Variants in SPG11 observed in about 807,000 individuals in gnomAD.
SPG11 encodes spatacsin.
SPG11 carries 222 observed loss-of-function variants against 274.0 expected under a neutral mutation model. That is an observed-to-expected ratio of 0.81 (90% CI 0.73 to 0.91). The LOEUF (loss-of-function observed/expected upper bound fraction) is 0.91, where lower values mean the gene tolerates loss of function less well. Ranked by LOEUF, SPG11 falls within the 40% of genes least tolerant of loss-of-function variation. The pLI, the probability that SPG11 is intolerant of heterozygous loss-of-function variation, is 0.00. For missense variants in SPG11, 3,114 were observed against 2,872.7 expected, an observed-to-expected ratio of 1.08 and a Z score of -1.92; for synonymous variants, 1,144 against 1,039.7, an observed-to-expected ratio of 1.10 and a Z score of -1.93.
At chr15:44,607,107 C>T (rs550872684) in intron 19 of SPG11, among the ~76,000 whole-genome samples, 3 of 152,228 alleles carry the variant, frequency 2.0e-5, no homozygotes, top group African/African-American at 7.2e-5. Context: ...ACAAAAAAAC[C>T]CCTACTGAAC....
At chr15:44,607,367 C>T (rs1293273310) in intron 19 of SPG11, among the ~76,000 whole-genome samples, 2 of 152,150 alleles carry the variant, frequency 1.3e-5, no homozygotes, top group African/African-American at 4.8e-5. Context: ...CTGCAACTTT[C>T]GCCTCCCAGG....
intron 8 of SPG11, among the ~76,000 whole-genome samples, chr15:44,630,212 G>A (rs2084018943): frequency 6.6e-6 from 1 of 152,210 alleles, no homozygotes; most frequent in African/African-American, 2.4e-5. Flanking sequence ...AGTGATTCCT[G>A]TTTGTCTCAG....
At chr15:44,597,823 T>C (rs2083083292) in intron 23 of SPG11, among the ~76,000 whole-genome samples, 1 of 152,192 alleles carries the variant, frequency 6.6e-6, no homozygotes. Flanking sequence ...CAGCTTCCAT[T>C]ATCAACTGAC....
chr15:44,572,571 G>A, intron 33 of SPG11, 112 bp downstream of exon 33: 3 of 1,079,288 alleles, frequency 2.8e-6, no homozygotes, highest in Non-Finnish European at 4.2e-6. Context: ...CCTGCTGGAG[G>A]GCTAGGCATC....
chr15:44,628,877 T>C, intron 9 of SPG11, 33 bp from the exon 10 acceptor site: 1 of 1,585,048 alleles, frequency 6.3e-7, no homozygotes, highest in South Asian at 1.1e-5. Flanking sequence ...AATTTGTGTG[T>C]GTGTGTGTAA....
At chr15:44,634,674 C>T (rs1306936886) in intron 7 of SPG11, among the ~76,000 whole-genome samples, 3 of 151,950 alleles carry the variant, frequency 2.0e-5, no homozygotes, top group African/African-American at 7.2e-5. Context: ...GCAATCTCCG[C>T]CTCCCAGGTT....
At position 44,570,637 on chromosome 15, in the gene SPG11, G is replaced by T; in HGVS notation, c.6365C>A (p.Ala2122Asp). The T allele has an allele frequency of 1.9e-6, 3 of 1,614,028 alleles. No homozygotes were observed. Among genetic ancestry groups the T allele is most frequent in the Non-Finnish European group, 2.5e-6 (3 of 1,179,990 alleles). Reference protein sequence around the residue: ...LSCTTELLILAHHCFTLTCHM... With the variant: ...LSCTTELLILDHHCFTLTCHM... ...GCACGTCAGGGTGAAGCAATGATGG[G>T]CCAGGATCAGGAGCTCTGTGGCTGG... Residue 2122 changes from alanine to aspartate, a missense_variant, in exon 34 of 40, where the codon GCC becomes GAC. By Grantham distance (126) the Ala-to-Asp change is moderately radical (BLOSUM62 -2). Transcript: ENST00000261866.
chr15:44,563,208 T>A lies in SPG11; in HGVS notation c.7245A>T (p.Ala2415=), dbSNP rs774478465. The part of the protein sequence containing the change: ...CEDVYLYYKL[A]YEHKFYEIVN... ...CAATTTCATAAAACTTGTGTTCGTA[T>A]GCCAACTTGTAATACAGGTAAACAT... Residue 2415 remains alanine, a synonymous_variant, in exon 40 of 40, where the codon GCA becomes GCT. Coordinates refer to ENST00000261866, the MANE Select transcript of SPG11 (RefSeq NM_025137.4). 2.1e-5 allele frequency: 34 copies of A among 1,614,084 alleles called. No individual in the cohort carries two copies. The East Asian group carries it at 7.6e-4, about 36-fold the overall frequency.
At chr15:44,601,885 C>T (rs2083200738) in intron 20 of SPG11, among the ~76,000 whole-genome samples, 1 of 152,118 alleles carries the variant, frequency 6.6e-6, no homozygotes, top group Non-Finnish European at 1.5e-5. Flanking sequence ...CCCAGCCCAC[C>T]CAGCCTCTTT....
chr15:44,634,835 C>A (rs914937306), intron 7 of SPG11, among the ~76,000 whole-genome samples: 2 of 152,124 alleles, frequency 1.3e-5, no homozygotes, highest in African/African-American at 2.4e-5. Context: ...CCGCCTAGGC[C>A]TCCCAAAGTG....
At chr15:44,588,990 G>C (rs2082836464) in intron 28 of SPG11, among the ~76,000 whole-genome samples, 1 of 152,210 alleles carries the variant, frequency 6.6e-6, no homozygotes, top group Non-Finnish European at 1.5e-5. Context: ...GGGTAATGTA[G>C]AAGCCAGCCA....
Position 44,615,569 on chromosome 15 carries a change from A to G in SPG11, c.2835-3T>C. 1 of 1,613,796 alleles carries G rather than the reference A, an allele frequency of 6.2e-7. No homozygotes were observed. Among genetic ancestry groups the G allele is most frequent in the Non-Finnish European group, 8.5e-7 (1 of 1,179,886 alleles). On this transcript the variant is annotated splice_polypyrimidine_tract_variant and splice_region_variant and intron_variant, in intron 15 of 39. Transcript: ENST00000261866. ...CAGATGCCAAAAAAACCCCATTCCTATGGACAGATTTATAGGATGTCAAGT... is the reference window on the plus strand; with the variant it reads ...CAGATGCCAAAAAAACCCCATTCCTGTGGACAGATTTATAGGATGTCAAGT...
intron 30 of SPG11, among the ~76,000 whole-genome samples, chr15:44,580,791 AAAAC>A (rs898615706): frequency 6.6e-5 from 10 of 152,354 alleles, no homozygotes; most frequent in Middle Eastern, 3.4e-3. Context: ...CTCCGTCTCA[AAAAC>A]AAACAAACAA....
At chr15:44,630,015 G>C (rs573178230) in intron 8 of SPG11, among the ~76,000 whole-genome samples, 1 of 151,996 alleles carries the variant, frequency 6.6e-6, no homozygotes, top group East Asian at 1.9e-4. Context: ...AGGTTGCAGT[G>C]AGCCAAGATT....
At chr15:44,583,640 A>T (rs1380504582) in intron 30 of SPG11, among the ~76,000 whole-genome samples, 174 bp downstream of exon 30, 1 of 152,230 alleles carries the variant, frequency 6.6e-6, no homozygotes, top group Non-Finnish European at 1.5e-5. Context: ...TTTAAAAGAC[A>T]TAGATCTTTC....
At chr15:44,572,590 G>A in intron 33 of SPG11, 93 bp downstream of exon 33, 2 of 1,356,820 alleles carry the variant, frequency 1.5e-6, no homozygotes, top group Non-Finnish European at 2.1e-6. Context: ...TCCAGAGCAG[G>A]AACAGGGACC....
At chr15:44,577,038 G>T (rs192532526) in intron 30 of SPG11, among the ~76,000 whole-genome samples, 3 of 152,028 alleles carry the variant, frequency 2.0e-5, no homozygotes. Context: ...ATGTTGGCCA[G>T]GCTGGTCTTG....
intron 7 of SPG11, among the ~76,000 whole-genome samples, chr15:44,647,302 C>T (rs1471167493): frequency 6.6e-6 from 1 of 152,176 alleles, no homozygotes; most frequent in South Asian, 2.1e-4. Context: ...CTAAGATGTG[C>T]AGCTAGCAGA....
In SPG11 at chr15:44,633,634, C is replaced by T. The variant is rs1025189373; in HGVS notation, c.1606G>A (p.Gly536Arg). Residue 536 changes from glycine (G) to arginine (R), a missense_variant, in exon 8 of 40, where the codon GGG becomes AGG. Gly to Arg is a moderately radical substitution (Grantham distance 125, BLOSUM62 -2). Coordinates refer to ENST00000261866, the MANE Select transcript of SPG11 (RefSeq NM_025137.4). ...GTGTCCAGCTGACGATTTTCTATCC[C>T]GGCCTGAAATGAGGAGGAAAATAAA... ...CSIPIHALEA[G>R]IENRQLDTVN... The T allele has an allele frequency of 3.7e-6, 6 of 1,612,846 alleles. No homozygotes were observed. The highest frequency in any genetic ancestry group is 1.3e-5 in the African/African-American group (1 of 74,766).
Sources: allele counts gnomAD v4.1 joint callset (sites outside exome capture counted in the v4.1 genomes callset), GRCh38; gene constraint gnomAD v4.1.1; transcripts MANE v1.5; gene names NCBI Gene and HGNC (gene_info 2026-07-23, HGNC 2026-07-21).